C2CD3: variants seen among roughly 807,000 people sequenced by gnomAD.
C2CD3 encodes the protein C2 domain containing 3 centriole elongation regulator.
In C2CD3, 148 loss-of-function variants were observed where a neutral mutation model predicts 234.0. That is an observed-to-expected ratio of 0.63 (90% CI 0.55 to 0.72). C2CD3 has a LOEUF of 0.72. C2CD3 is among the 30% of genes least tolerant of loss of function. The pLI is 0.00. For synonymous variants in C2CD3, 1,000 were observed against 1,035.4 expected (o/e 0.97, Z 0.66); for missense variants, 2,577 against 2,811.5 (o/e 0.92, Z 1.89).
intron 7 of C2CD3, among the ~76,000 whole-genome samples, chr11:74,126,990 T>C (rs1440217143): frequency 1.3e-5 from 2 of 152,132 alleles, no homozygotes; most frequent in African/African-American, 4.8e-5. Context: ...GAAATAAAAG[T>C]ATATATATTT....
chr11:74,045,754 G>A (rs888726913), intron 28 of C2CD3, among the ~76,000 whole-genome samples: 1 of 151,778 alleles, frequency 6.6e-6, no homozygotes, highest in Non-Finnish European at 1.5e-5. Context: ...TTGATTTTTT[G>A]TAGAGATAGG....
Position 74,085,742 on chromosome 11 carries a change from G to A in C2CD3, c.3786C>T (p.Ser1262=). 1 of 1,614,084 alleles carries A rather than the reference G, an allele frequency of 6.2e-7. No homozygotes were observed. The highest frequency in any genetic ancestry group is 8.5e-7 in the Non-Finnish European group (1 of 1,180,014). ...PVACSFCPEF[S]HHVEFTCNLV... ...AGTTACATGTGAACTCAACGTGATGGGAGAACTCAGGGCAGAAAGAACAGG... is the reference window on the plus strand; with the variant it reads ...AGTTACATGTGAACTCAACGTGATGAGAGAACTCAGGGCAGAAAGAACAGG... The change falls in exon 21 of 33, where the codon TCC becomes TCT. Residue 1262 remains serine, a synonymous_variant. Coordinates refer to ENST00000334126, the MANE Select transcript of C2CD3 (RefSeq NM_001286577.2).
At chr11:74,088,956 T>C (rs826054) in intron 20 of C2CD3, among the ~76,000 whole-genome samples, 51,845 of 152,080 alleles carry the variant, frequency 0.34, 9,536 homozygotes, top group African/African-American at 0.48. Flanking sequence ...AGGAGGTTCA[T>C]AGGATAAACT....
At chr11:74,075,981 AC>A (rs773506177) in intron 23 of C2CD3, among the ~76,000 whole-genome samples, 19 of 152,204 alleles carry the variant, frequency 1.2e-4, no homozygotes, top group Non-Finnish European at 2.5e-4. Context: ...GCTAAATACT[AC>A]CTTTGGTAGC....
chr11:74,133,400 A>T, intron 6 of C2CD3, 25 bp downstream of exon 6: 3 of 1,605,742 alleles, frequency 1.9e-6, no homozygotes, highest in Non-Finnish European at 2.6e-6. Context: ...TGAACTGTTA[A>T]GGTTCTGTCT....
intron 3 of C2CD3, among the ~76,000 whole-genome samples, chr11:74,159,055 C>T (rs1856250356): frequency 6.6e-6 from 1 of 152,118 alleles, no homozygotes. Flanking sequence ...ACCACATATA[C>T]GACAGTGGTC....
At chr11:74,149,981 T>A (rs1026290165) in intron 3 of C2CD3, among the ~76,000 whole-genome samples, 7 of 152,168 alleles carry the variant, frequency 4.6e-5, no homozygotes, top group African/African-American at 1.7e-4. Flanking sequence ...ATGTGGCTAT[T>A]GAGAAGTTTG....
At chr11:74,139,104 C>A in intron 4 of C2CD3, 137 bp from the exon 5 acceptor site, 1 of 637,930 alleles carries the variant, frequency 1.6e-6, no homozygotes, top group Non-Finnish European at 2.7e-6. Flanking sequence ...ATTTGCAATA[C>A]AACTTTGTAA....
At chr11:74,063,417 A>C (rs972946923) in intron 24 of C2CD3, among the ~76,000 whole-genome samples, 1 of 148,622 alleles carries the variant, frequency 6.7e-6, no homozygotes, top group Non-Finnish European at 1.5e-5. Context: ...GCACATCAAA[A>C]AGCTTATCCA....
chr11:74,087,835 C>T (rs986271070), intron 20 of C2CD3, among the ~76,000 whole-genome samples: 3 of 152,142 alleles, frequency 2.0e-5, no homozygotes, highest in Non-Finnish European at 2.9e-5. Context: ...CTTAGCTTCA[C>T]GGCATTTAAA....
At chr11:74,133,017 G>A in intron 6 of C2CD3, 45 bp from the exon 7 acceptor site, 1 of 1,593,244 alleles carries the variant, frequency 6.3e-7, no homozygotes, top group South Asian at 1.1e-5. Flanking sequence ...CTAACAGATG[G>A]AAAAAATCTA....
At chr11:74,026,020 T>A (rs1952278924) in intron 32 of C2CD3, among the ~76,000 whole-genome samples, 1 of 152,046 alleles carries the variant, frequency 6.6e-6, no homozygotes, top group African/African-American at 2.4e-5. Flanking sequence ...ACCGGAGTAG[T>A]AAGAAAGGCC....
At chr11:74,141,680 C>T (rs934297344) in intron 3 of C2CD3, among the ~76,000 whole-genome samples, 1 of 152,104 alleles carries the variant, frequency 6.6e-6, no homozygotes, top group Non-Finnish European at 1.5e-5. Flanking sequence ...CAGCTCTGTG[C>T]CAGGCTCTGT....
intron 24 of C2CD3, among the ~76,000 whole-genome samples, chr11:74,073,364 A>T (rs565573117): frequency 6.6e-6 from 1 of 152,246 alleles, no homozygotes; most frequent in South Asian, 2.1e-4. Flanking sequence ...AGGTGGGTGG[A>T]TCACTTGCGG....
intron 3 of C2CD3, among the ~76,000 whole-genome samples, chr11:74,141,284 T>C (rs1023653432): frequency 2.0e-5 from 3 of 152,220 alleles, no homozygotes; most frequent in African/African-American, 7.2e-5. Flanking sequence ...TTCAAATCTA[T>C]TCATCATGAA....
At chr11:74,073,115 T>G (rs778525396) in intron 24 of C2CD3, among the ~76,000 whole-genome samples, 13 of 135,430 alleles carry the variant, frequency 9.6e-5, no homozygotes, top group Non-Finnish European at 1.8e-4. Context: ...CCATGGACTC[T>G]GGCAATCTGG....
intron 26 of C2CD3, among the ~76,000 whole-genome samples, chr11:74,050,720 G>T (rs1953635728): frequency 3.4e-5 from 5 of 147,094 alleles, no homozygotes; most frequent in African/African-American, 1.4e-4. Context: ...TGTTTGGACA[G>T]CTTGCTGTCC....
chr11:74,043,243 T>C (rs1434161734), intron 28 of C2CD3, among the ~76,000 whole-genome samples: 2 of 152,264 alleles, frequency 1.3e-5, no homozygotes, highest in Non-Finnish European at 2.9e-5. Flanking sequence ...TCATATAATA[T>C]GTGTTTTTTG....
chr11:74,057,592 G>T, intron 24 of C2CD3, 48 bp from the exon 25 acceptor site: 1 of 1,602,580 alleles, frequency 6.2e-7, no homozygotes, highest in Non-Finnish European at 8.5e-7. Flanking sequence ...TACACAAGAA[G>T]CCTCAGATTA....
Sources: allele counts gnomAD v4.1 joint callset (sites outside exome capture counted in the v4.1 genomes callset), GRCh38; gene constraint gnomAD v4.1.1; transcripts MANE v1.5; gene names NCBI Gene and HGNC (gene_info 2026-07-23, HGNC 2026-07-21).